The following CPED1 variants were observed in gnomAD, a reference collection of about 807,000 sequenced individuals.
The protein encoded by CPED1 is cadherin like and PC-esterase domain containing 1, also known as cadherin-like and PC-esterase domain-containing protein 1.
A neutral mutation model predicts 128.2 loss-of-function variants in CPED1; 114 were observed. That is an observed-to-expected ratio of 0.89 (90% CI 0.76 to 1.04). The LOEUF (loss-of-function observed/expected upper bound fraction) is 1.04. Among genes scored for constraint, CPED1 ranks in the 50% least tolerant of loss-of-function variants. The pLI is 0.00. For synonymous variants in CPED1, 462 were observed against 426.7 expected (o/e 1.08, Z -1.02); for missense variants, 1,211 against 1,207.1 (o/e 1.00, Z -0.05).
intron 7 of CPED1, among the ~76,000 whole-genome samples, chr7:121,118,694 C>T (rs1052241569): frequency 3.3e-5 from 5 of 152,074 alleles, no homozygotes; most frequent in Admixed American, 6.6e-5. Flanking sequence ...ATTGGCTCAC[C>T]GTCCTGCAGG....
chr7:121,235,530 G>C (rs1798232635), intron 16 of CPED1, among the ~76,000 whole-genome samples: 1 of 152,090 alleles, frequency 6.6e-6, no homozygotes, highest in African/African-American at 2.4e-5. Flanking sequence ...ATTAGAACCA[G>C]AGTTACACAG....
chr7:121,103,635 A>AT (rs1794905167), intron 7 of CPED1, among the ~76,000 whole-genome samples: 1 of 152,116 alleles, frequency 6.6e-6, no homozygotes, highest in Non-Finnish European at 1.5e-5. Flanking sequence ...CCAGCATGTT[A>AT]TTAAACACTG....
At chr7:121,249,709 C>G (rs747085452) in intron 18 of CPED1, among the ~76,000 whole-genome samples, 3 of 152,108 alleles carry the variant, frequency 2.0e-5, no homozygotes, top group African/African-American at 7.2e-5. Context: ...AAGATCAGCA[C>G]CTGCTACCAC....
At chr7:121,129,335 A>T in intron 11 of CPED1, among the ~76,000 whole-genome samples, 1 of 125,378 alleles carries the variant, frequency 8.0e-6, no homozygotes, top group Non-Finnish European at 1.7e-5. Flanking sequence ...ATATATATAT[A>T]CGTATATATA....
At chr7:121,090,900 G>A (rs560074385) in intron 5 of CPED1, among the ~76,000 whole-genome samples, 36 of 152,120 alleles carry the variant, frequency 2.4e-4, no homozygotes, top group Middle Eastern at 3.4e-3. Flanking sequence ...AGTGAGCCGA[G>A]ATCCTGCCAC....
intron 2 of CPED1, among the ~76,000 whole-genome samples, chr7:121,005,317 T>A (rs1363806305): frequency 6.6e-6 from 1 of 152,200 alleles, no homozygotes; most frequent in Non-Finnish European, 1.5e-5. Flanking sequence ...ATTTTCTTTA[T>A]CCAGTCTATC....
intron 3 of CPED1, among the ~76,000 whole-genome samples, chr7:121,044,702 C>T (rs540765436): frequency 1.0e-5 from 1 of 98,572 alleles, no homozygotes; most frequent in African/African-American, 3.5e-5. Flanking sequence ...GTACAATGTT[C>T]TGTTCACAGA....
At chr7:121,235,192 C>T (rs1479523095) in intron 16 of CPED1, among the ~76,000 whole-genome samples, 2 of 152,060 alleles carry the variant, frequency 1.3e-5, no homozygotes, top group African/African-American at 2.4e-5. Flanking sequence ...AGATATCACA[C>T]ACATACACGG....
chr7:121,141,545 G>C (rs1271881014), intron 15 of CPED1, among the ~76,000 whole-genome samples: 1 of 151,990 alleles, frequency 6.6e-6, no homozygotes, highest in Non-Finnish European at 1.5e-5. Context: ...GAACCCTCGG[G>C]AGCCACGTCT....
At chr7:121,116,466 G>A (rs1795235696) in intron 7 of CPED1, among the ~76,000 whole-genome samples, 1 of 152,116 alleles carries the variant, frequency 6.6e-6, no homozygotes, top group African/African-American at 2.4e-5. Flanking sequence ...TTTGATTTAA[G>A]TTACAAAGAA....
intron 16 of CPED1, among the ~76,000 whole-genome samples, chr7:121,172,661 C>CATAGATAGACAGATAG (rs1554443547): frequency 1.8e-4 from 26 of 145,312 alleles, no homozygotes; most frequent in African/African-American, 6.4e-4. Flanking sequence ...TGGATGGATA[C>CATAGATAGACAGATAG]ATAGATAGAT....
intron 16 of CPED1, among the ~76,000 whole-genome samples, chr7:121,176,193 GAAAAAAAAAA>G (rs34712656): frequency 3.2e-4 from 20 of 62,028 alleles, no homozygotes; most frequent in African/African-American, 1.2e-3. Flanking sequence ...CTCCCCGCTG[GAAAAAAAAAA>G]AAAAAAAAAA....
At chr7:121,259,468 G>A (rs1054812233) in intron 18 of CPED1, among the ~76,000 whole-genome samples, 17 of 151,998 alleles carry the variant, frequency 1.1e-4, no homozygotes, top group African/African-American at 3.9e-4. Flanking sequence ...TTTTGTATAT[G>A]TACATAGGTT....
At chr7:121,167,966 C>T (rs1796571808) in intron 16 of CPED1, among the ~76,000 whole-genome samples, 1 of 152,002 alleles carries the variant, frequency 6.6e-6, no homozygotes, top group East Asian at 1.9e-4. Flanking sequence ...ATCTCCTGAC[C>T]TCGTGATCCG....
chr7:121,036,508 T>TA (rs561110849), intron 3 of CPED1, among the ~76,000 whole-genome samples: 2,906 of 130,492 alleles, frequency 0.022, 62 homozygotes, highest in African/African-American at 0.067. Flanking sequence ...TATATATATA[T>TA]TTTTTTTTTC....
At chr7:121,044,063 A>G (rs1585036028) in intron 3 of CPED1, among the ~76,000 whole-genome samples, 1 of 152,156 alleles carries the variant, frequency 6.6e-6, no homozygotes, top group East Asian at 1.9e-4. Flanking sequence ...TAACTTCTCA[A>G]TGTGATTTAC....
intron 21 of CPED1, among the ~76,000 whole-genome samples, chr7:121,270,917 T>A (rs888094438): frequency 8.5e-5 from 13 of 152,092 alleles, no homozygotes; most frequent in Non-Finnish European, 1.3e-4. Context: ...AAAAATAACA[T>A]TTGTAATTTG....
chr7:121,251,023 T>A (rs1798660658), intron 18 of CPED1, among the ~76,000 whole-genome samples: 1 of 152,142 alleles, frequency 6.6e-6, no homozygotes, highest in South Asian at 2.1e-4. Flanking sequence ...AAAAGAGAAT[T>A]TTAGACCAAT....
intron 7 of CPED1, among the ~76,000 whole-genome samples, chr7:121,109,766 A>T (rs1215884827): frequency 6.6e-6 from 1 of 152,202 alleles, no homozygotes; most frequent in Non-Finnish European, 1.5e-5. Flanking sequence ...CTACATGAAG[A>T]ATATTTGTTC....
Sources: allele counts gnomAD v4.1 joint callset (sites outside exome capture counted in the v4.1 genomes callset), GRCh38; gene constraint gnomAD v4.1.1; transcripts MANE v1.5; gene names NCBI Gene and HGNC (gene_info 2026-07-23, HGNC 2026-07-21).